WDFY4: variants seen among roughly 807,000 people sequenced by gnomAD.
The protein encoded by WDFY4 is WD repeat- and FYVE domain-containing protein 4.
In WDFY4, 169 loss-of-function variants were observed where a neutral mutation model predicts 351.9. The ratio of observed to expected loss-of-function variants is 0.48; its 90% CI spans 0.42 to 0.55. The LOEUF (loss-of-function observed/expected upper bound fraction) is 0.55, where lower values mean the gene tolerates loss of function less well. WDFY4 is among the 20% of genes least tolerant of loss of function. The probability of loss-of-function intolerance (pLI) is 0.00; values close to 1 mark genes in which losing one functional copy is unlikely to be tolerated. For synonymous variants in WDFY4, 1,622 were observed against 1,574.6 expected (o/e 1.03, Z -0.71); for missense variants, 3,803 against 3,935.6 (o/e 0.97, Z 0.90).
intron 51 of WDFY4, among the ~76,000 whole-genome samples, chr10:48,956,234 G>C (rs545098415): frequency 5.2e-4 from 79 of 152,320 alleles, no homozygotes; most frequent in African/African-American, 1.8e-3. Context: ...AGCCAGGCCT[G>C]GGGCTGTACC....
At chr10:48,960,594 A>G (rs1841813454) in intron 53 of WDFY4, among the ~76,000 whole-genome samples, 1 of 152,234 alleles carries the variant, frequency 6.6e-6, no homozygotes, top group Non-Finnish European at 1.5e-5. Flanking sequence ...AATTGAAAGC[A>G]TGTCCACACA....
chr10:48,741,136 G>A (rs562649026), intron 11 of WDFY4, among the ~76,000 whole-genome samples: 42 of 152,088 alleles, frequency 2.8e-4, no homozygotes, highest in Non-Finnish European at 4.3e-4. Flanking sequence ...AAGAATCCTC[G>A]CCTGTGTGCA....
At chr10:48,721,441 G>A (rs909868370) in intron 4 of WDFY4, 74 bp downstream of exon 4, 2 of 1,364,940 alleles carry the variant, frequency 1.5e-6, no homozygotes, top group East Asian at 2.5e-5. Flanking sequence ...GCACAGGGTG[G>A]TGGCATATCC....
chr10:48,717,875 C>T (rs1173877688), intron 2 of WDFY4, among the ~76,000 whole-genome samples: 1 of 152,176 alleles, frequency 6.6e-6, no homozygotes, highest in Non-Finnish European at 1.5e-5. Flanking sequence ...ATTTCCTGTC[C>T]AGTACATGTG....
intron 28 of WDFY4, among the ~76,000 whole-genome samples, chr10:48,809,336 A>G (rs1024910547): frequency 2.6e-5 from 4 of 151,814 alleles, no homozygotes; most frequent in Non-Finnish European, 4.4e-5. Context: ...CACCCTCACC[A>G]CCATCACCAT....
chr10:48,727,446 C>T, intron 6 of WDFY4, 24 bp from the exon 7 acceptor site: 2 of 1,548,108 alleles, frequency 1.3e-6, no homozygotes, highest in Non-Finnish European at 1.7e-6. Flanking sequence ...CTCAGCAGGT[C>T]TCTCCTGTGC....
At chr10:48,826,143 C>T (rs751639824) in intron 35 of WDFY4, among the ~76,000 whole-genome samples, 5 of 152,080 alleles carry the variant, frequency 3.3e-5, no homozygotes, top group African/African-American at 9.7e-5. Context: ...TAAGGTATAA[C>T]GAAGGGGTCC....
intron 43 of WDFY4, among the ~76,000 whole-genome samples, chr10:48,890,289 G>C (rs1404827277): frequency 6.6e-6 from 1 of 152,248 alleles, no homozygotes; most frequent in Non-Finnish European, 1.5e-5. Context: ...CTTAAAGTGA[G>C]AGAAAGGACT....
At chr10:48,805,534 T>C in intron 26 of WDFY4, 113 bp downstream of exon 26, 1 of 1,398,204 alleles carries the variant, frequency 7.2e-7, no homozygotes, top group Non-Finnish European at 9.4e-7. Context: ...CTTGGAACCT[T>C]CTAGGAATTT....
chr10:48,976,652 C>T (rs556179969), intron 58 of WDFY4, 145 bp from the exon 59 acceptor site: 10 of 632,070 alleles, frequency 1.6e-5, no homozygotes, highest in Non-Finnish European at 2.3e-5. Context: ...TGTAAGTCAG[C>T]TGGAAAGAAG....
At position 48,775,116 on chromosome 10, in the gene WDFY4, T is replaced by C. The variant is rs546557539; in HGVS notation, c.2768+444T>C. Among the ~76,000 whole-genome samples, 4 of 152,328 alleles carry C rather than the reference T, an allele frequency of 2.6e-5. No individual in the cohort carries two copies. In the South Asian group the frequency reaches 6.2e-4, roughly 24 times the overall value. On this transcript the variant is annotated intron_variant, in intron 14 of 61. Coordinates refer to ENST00000325239, the MANE Select transcript of WDFY4 (RefSeq NM_001394531.1). ...TGGATCCTCCAGGGGGCTTTCCTGCTGTCAGCCTCTACATGAAGCCACATT... is the reference window on the plus strand; with the variant it reads ...TGGATCCTCCAGGGGGCTTTCCTGCCGTCAGCCTCTACATGAAGCCACATT...
chr10:48,767,581 T>A (rs1336539275), intron 13 of WDFY4, among the ~76,000 whole-genome samples: 1 of 152,154 alleles, frequency 6.6e-6, no homozygotes, highest in Admixed American at 6.5e-5. Flanking sequence ...TGAGTGTAGC[T>A]GGCTTAAGGT....
At chr10:48,812,179 C>CTTTTTTTTTTTTTTTTTTTTTT (rs1355851618) in intron 30 of WDFY4, among the ~76,000 whole-genome samples, 1 of 134,558 alleles carries the variant, frequency 7.4e-6, no homozygotes, top group African/African-American at 3.1e-5. Flanking sequence ...TCTTTCTTTT[C>CTTTTTTTTTTTTTTTTTTTTTT]TTTTTTTTTT....
rs1840882412 is a variant in WDFY4 at position 48,943,413 on chromosome 10, A to G, written c.7713A>G (p.Pro2571=). ...CCTGCAATGACTACATGCAGTACCC[A>G]GTGTTCCCCTGGGTCCTCGCAGACT... is the stretch of plus-strand genomic sequence containing the variant. The part of the protein sequence containing the change: ...GRTCNDYMQY[P]VFPWVLADYT... The change falls in exon 49 of 62, where the codon CCA becomes CCG. Residue 2571 remains proline (P), a synonymous_variant. Transcript: ENST00000325239. The G allele has an allele frequency of 1.3e-6, 2 of 1,551,772 alleles. No individual in the cohort carries two copies. Among genetic ancestry groups the G allele is most frequent in the African/African-American group, 1.4e-5 (1 of 73,036 alleles).
intron 39 of WDFY4, among the ~76,000 whole-genome samples, chr10:48,837,386 C>T (rs1463240221): frequency 2.6e-5 from 4 of 152,044 alleles, no homozygotes; most frequent in African/African-American, 9.7e-5. Context: ...CTCATGTTTA[C>T]CTGTAGGTGA....
chr10:48,954,804 A>G (rs1434032167), intron 51 of WDFY4, among the ~76,000 whole-genome samples: 1 of 152,272 alleles, frequency 6.6e-6, no homozygotes, highest in Non-Finnish European at 1.5e-5. Flanking sequence ...TTATTAATAT[A>G]GCAAATAGGA....
intron 20 of WDFY4, among the ~76,000 whole-genome samples, chr10:48,787,803 C>CTT (rs2066454861): frequency 2.0e-5 from 2 of 98,240 alleles, no homozygotes; most frequent in African/African-American, 8.8e-5. Context: ...TCCTCCTCCT[C>CTT]CTCCTCTTCT....
intron 35 of WDFY4, among the ~76,000 whole-genome samples, chr10:48,824,935 C>T (rs1177081303): frequency 6.6e-6 from 1 of 152,176 alleles, no homozygotes; most frequent in Admixed American, 6.5e-5. Context: ...TGTGAGCCAC[C>T]ATACCCAGCC....
Position 48,830,775 on chromosome 10 carries a change from A to T in WDFY4, c.6416A>T (p.Asp2139Val). The T allele has an allele frequency of 6.4e-7, 1 of 1,551,672 alleles. No individual in the cohort carries two copies. The highest frequency in any genetic ancestry group is 8.7e-7 in the Non-Finnish European group (1 of 1,146,932). The change falls in exon 38 of 62, where the codon GAT becomes GTT. Residue 2139 changes from aspartate (D) to valine (V), a missense_variant. Physicochemically the swap from Asp to Val is radical, Grantham distance 152. Coordinates refer to ENST00000325239, the MANE Select transcript of WDFY4 (RefSeq NM_001394531.1). Reference sequence around the variant, plus strand: ...GCACAAAGGCAGCAGACCCTGGAGGATGCCTTCAAGATCGATCTCTCTGTG... The same window carrying T: ...GCACAAAGGCAGCAGACCCTGGAGGTTGCCTTCAAGATCGATCTCTCTGTG... ...LVAQRQQTLE[D>V]AFKIDLSVKP... is the part of the protein sequence containing the mutation.
Sources: gnomAD v4.1 joint callset for allele counts (sites outside exome capture counted in the v4.1 genomes callset) on GRCh38, gnomAD v4.1.1 for gene constraint, MANE v1.5 for transcripts, NCBI Gene and HGNC (gene_info 2026-07-23, HGNC 2026-07-21) for gene names.